KDM2B: variants seen among roughly 807,000 people sequenced by gnomAD.
KDM2B encodes the protein lysine-specific demethylase 2B.
KDM2B carries 26 observed loss-of-function variants against 150.0 expected under a neutral mutation model. The observed-to-expected ratio is 0.17, with a 90% CI of 0.13 to 0.24. KDM2B has a LOEUF of 0.24. KDM2B is among the 10% of genes least tolerant of loss of function. KDM2B has a pLI of 1.00. For synonymous variants in KDM2B, 734 were observed against 729.5 expected, an observed-to-expected ratio of 1.01 and a Z score of -0.10; for missense variants, 1,265 against 1,816.9, an observed-to-expected ratio of 0.70 and a Z score of 5.52.
chr12:121,450,854 C>T (rs1281382972), intron 13 of KDM2B, among the ~76,000 whole-genome samples: 10 of 82,260 alleles, frequency 1.2e-4, no homozygotes, highest in Middle Eastern at 5.0e-3. Context: ...GAGCAAGACT[C>T]CATCAAAAAA....
rs1243353599 is a variant in KDM2B at position 121,518,838 on chromosome 12, G to A, written c.1047+2147C>T. On this transcript the variant is annotated intron_variant, in intron 9 of 22. Coordinates refer to ENST00000377071, the MANE Select transcript of KDM2B (RefSeq NM_032590.5). This position sits in a 1 kb window ranked among gnomAD's most constrained non-coding sequence, Gnocchi z 4.4. The stretch of plus-strand genomic sequence containing the variant: ...CACACGTCTGCTCGTGCACAAACTG[G>A]CCTGTACTCCAGGACAGGCCAAAGA... Among the ~76,000 whole-genome samples the A allele has an allele frequency of 6.6e-6, 1 of 152,170 alleles. No homozygotes were observed. Among genetic ancestry groups the A allele is most frequent in the Non-Finnish European group, 1.5e-5 (1 of 68,038 alleles).
At position 121,486,272 on chromosome 12, in the gene KDM2B, C is replaced by T. The variant is rs1347857158; in HGVS notation, c.1734+8307G>A. 3.4e-5 allele frequency among the ~76,000 whole-genome samples: 5 copies of T among 146,386 alleles called. No homozygotes were observed. In the Admixed American group the frequency reaches 3.4e-4, roughly 10 times the overall value. On this transcript the variant is annotated intron_variant, in intron 12 of 22. Transcript: ENST00000377071. ...TACAGGTGCCCACCACCATGCCCGG[C>T]TAATTTTTGTATTTTTAGTAGACAG... is the stretch of plus-strand genomic sequence containing the variant.
rs1875234922 is a variant in KDM2B at position 121,442,210 on chromosome 12, G to A, written c.3231C>T (p.Leu1077=). 6.2e-7 allele frequency: 1 copy of A among 1,613,530 alleles called. No individual in the cohort carries two copies. Among genetic ancestry groups the A allele is most frequent in the Non-Finnish European group, 8.5e-7 (1 of 1,180,036 alleles). The change falls in exon 19 of 23, where the codon CTC becomes CTT. Residue 1077 remains leucine, a synonymous_variant. Transcript: ENST00000377071. The surrounding 1 kb of genome is among the most constrained non-coding windows in gnomAD (Gnocchi z 7.7). ...TGCACACACACAGGTCTTGGTGGCTGAGGTAGCTGAAGACGGCCATCCACA... is the reference window on the plus strand; with the variant it reads ...TGCACACACACAGGTCTTGGTGGCTAAGGTAGCTGAAGACGGCCATCCACA... ...REVWMAVFSY[L]SHQDLCVCMR...
the KDM2B span, among the ~76,000 whole-genome samples, chr12:121,422,349 C>G: frequency 6.6e-6 from 1 of 152,228 alleles, no homozygotes; most frequent in African/African-American, 2.4e-5. Flanking sequence ...TGACAAGATA[C>G]TGGCTCCTCT....
At position 121,442,093 on chromosome 12, in the gene KDM2B, A is replaced by T; in HGVS notation, c.3284+64T>A. ...AAGAGCATCGCCAGCGACTCCACACACCACGGGCCATCCCTGGTGCCGCCT... is the reference window on the plus strand; with the variant it reads ...AAGAGCATCGCCAGCGACTCCACACTCCACGGGCCATCCCTGGTGCCGCCT... On this transcript the variant is annotated intron_variant, in intron 19 of 22. Coordinates refer to ENST00000377071, the MANE Select transcript of KDM2B (RefSeq NM_032590.5). The surrounding 1 kb of genome is among the most constrained non-coding windows in gnomAD (Gnocchi z 7.7). The T allele has an allele frequency of 7.3e-7, 1 of 1,371,182 alleles. No homozygotes were observed. Among genetic ancestry groups the T allele is most frequent in the East Asian group, 2.3e-5 (1 of 43,614 alleles). The allele number at this position is 1,371,182 out of a possible 1,614,324, so 84.9% of individuals were successfully genotyped here.
At chr12:121,420,609 T>G in the KDM2B span, 3 of 1,614,140 alleles carry the variant, frequency 1.9e-6, no homozygotes, top group Admixed American at 1.7e-5. Context: ...GAGTGAGAGC[T>G]TCACTGTCTG....
In KDM2B at chr12:121,549,335, C is replaced by T; in HGVS notation, c.576+125G>A. 1 of 847,710 alleles carries T rather than the reference C, an allele frequency of 1.2e-6. No individual in the cohort carries two copies. The highest frequency in any genetic ancestry group is 1.7e-5 in the African/African-American group (1 of 59,192). The allele number at this position is 847,710 out of a possible 1,614,324, so 52.5% of individuals were successfully genotyped here. A position where few individuals can be genotyped will look rare whatever the true frequency, so the allele number is the denominator to read the frequency against. On this transcript the variant is annotated intron_variant, in intron 5 of 22. Coordinates refer to ENST00000377071, the MANE Select transcript of KDM2B (RefSeq NM_032590.5). The surrounding 1 kb of genome is among the most constrained non-coding windows in gnomAD (Gnocchi z 4.4). ...GTTACCAACCTTAGTCACCCCTATG[C>T]CTGCCAAGCCCAGCCAGCCACACCC...
chr12:121,530,465 T>G (rs1887570556), intron 8 of KDM2B, among the ~76,000 whole-genome samples: 1 of 151,902 alleles, frequency 6.6e-6, no homozygotes, highest in African/African-American at 2.4e-5. Context: ...TGTTCCTAAG[T>G]TTTTTTTCAC....
intron 4 of KDM2B, among the ~76,000 whole-genome samples, chr12:121,553,316 C>T (rs1889659361): frequency 2.0e-5 from 3 of 152,042 alleles, no homozygotes; most frequent in South Asian, 4.1e-4. Context: ...CTTCTCCTCC[C>T]TAATCTTGCT....
rs534966893 is a variant in KDM2B, at chr12:121,580,308, C to A, written c.126+478G>T. 273 of 1,209,688 alleles carry A rather than the reference C, an allele frequency of 2.3e-4. 1 individual carries two copies. In the African/African-American group the frequency reaches 4.3e-3, roughly 19 times the overall value. 74.9% of individuals were successfully genotyped at this position (1,209,688 alleles called of 1,614,324 possible). On this transcript the variant is annotated intron_variant, in intron 1 of 22. Coordinates refer to ENST00000377071, the MANE Select transcript of KDM2B (RefSeq NM_032590.5). ...CCGGAACGTAAACATTGTTGCCGATCGCGCTCGGAGCCCGCGGCCGGGCTA... is the reference window on the plus strand; with the variant it reads ...CCGGAACGTAAACATTGTTGCCGATAGCGCTCGGAGCCCGCGGCCGGGCTA...
At chr12:121,488,773 C>G (rs930454815) in intron 12 of KDM2B, among the ~76,000 whole-genome samples, 2 of 151,716 alleles carry the variant, frequency 1.3e-5, no homozygotes, top group Non-Finnish European at 2.9e-5. Flanking sequence ...AGGTGCCCAC[C>G]ACCAGGCCTG....
At chr12:121,488,858 G>C (rs934943885) in intron 12 of KDM2B, among the ~76,000 whole-genome samples, 2 of 152,058 alleles carry the variant, frequency 1.3e-5, no homozygotes, top group African/African-American at 2.4e-5. Flanking sequence ...AGGCTGGAGT[G>C]CAATGGCGCG....
At chr12:121,566,996 C>A (rs1566427394) in intron 4 of KDM2B, among the ~76,000 whole-genome samples, 1 of 151,960 alleles carries the variant, frequency 6.6e-6, no homozygotes, top group Non-Finnish European at 1.5e-5. Flanking sequence ...ATTCTCCTGC[C>A]TCAGCCTCCT....
At chr12:121,420,419 T>C in the KDM2B span, 7 of 1,550,934 alleles carry the variant, frequency 4.5e-6, no homozygotes, top group African/African-American at 8.2e-5. Flanking sequence ...GCTAGATTAG[T>C]ACAGGATGTT....
chr12:121,567,082 A>G (rs1357316838), intron 4 of KDM2B, among the ~76,000 whole-genome samples: 1 of 151,890 alleles, frequency 6.6e-6, no homozygotes, highest in Non-Finnish European at 1.5e-5. Flanking sequence ...ACGAGGTTTT[A>G]CCATGTTGGC....
chr12:121,580,367 TG>T lies in KDM2B; in HGVS notation c.126+418del. The T allele has an allele frequency of 8.9e-6, 4 of 447,880 alleles. No homozygotes were observed. The South Asian group carries it at 3.3e-4, about 37-fold the overall frequency. The allele number at this position is 447,880 out of a possible 1,614,324, so 27.7% of individuals were successfully genotyped here. The stretch of plus-strand genomic sequence containing the variant: ...GGCTCTCGGCCCGGGCTTGGGGGGG[TG>T]GGGGCGGCGGCCCGAGGAGGTATGG... On this transcript the variant is annotated intron_variant, in intron 1 of 22. Transcript: ENST00000377071.
intron 10 of KDM2B, among the ~76,000 whole-genome samples, chr12:121,511,067 T>C (rs1174897753): frequency 7.9e-5 from 12 of 151,088 alleles, no homozygotes; most frequent in Admixed American, 4.0e-4. Context: ...CTGGAGTGCA[T>C]TGGAGTGATC....
rs1330743314 is a variant in KDM2B, at chr12:121,444,438, C to G, written c.2190+12G>C. Reference sequence around the variant, plus strand: ...TCCCGACTGACCCTGGGACTTGGAGCCCGGCACTCACTTTCCCGGTCTTGC... The same window carrying G: ...TCCCGACTGACCCTGGGACTTGGAGGCCGGCACTCACTTTCCCGGTCTTGC... On this transcript the variant is annotated intron_variant, in intron 15 of 22. Transcript: ENST00000377071. 30 of 1,613,900 alleles carry G rather than the reference C, an allele frequency of 1.9e-5. No homozygotes were observed. The highest frequency in any genetic ancestry group is 2.5e-5 in the Non-Finnish European group (29 of 1,179,904).
At chr12:121,415,978 TA>T in the KDM2B span, among the ~76,000 whole-genome samples, 11 of 152,038 alleles carry the variant, frequency 7.2e-5, no homozygotes, top group Non-Finnish European at 1.3e-4. Context: ...CAATGCCAGA[TA>T]TTCTTTGGAA....
Sources: gnomAD v4.1 joint callset for allele counts (sites outside exome capture counted in the v4.1 genomes callset) on GRCh38, gnomAD v4.1.1 for gene constraint, Gnocchi (gnomAD v3.1) non-coding constraint, MANE v1.5 for transcripts, NCBI Gene and HGNC (gene_info 2026-07-23, HGNC 2026-07-21) for gene names.